Variants in NDUFA5 observed in about 807,000 individuals in gnomAD.
The protein encoded by NDUFA5 is NADH:ubiquinone oxidoreductase subunit A5, also known as NADH dehydrogenase [ubiquinone] 1 alpha subcomplex subunit 5.
NDUFA5 carries 11 observed loss-of-function variants against 19.8 expected under a neutral mutation model. That is an observed-to-expected ratio of 0.56 (90% CI 0.35 to 0.92). NDUFA5 has a LOEUF of 0.92. NDUFA5 is among the 40% of genes least tolerant of loss of function. The probability of loss-of-function intolerance (pLI) is 0.01; values close to 1 mark genes in which losing one functional copy is unlikely to be tolerated. For synonymous variants in NDUFA5, 47 were observed against 46.8 expected (o/e 1.00, Z -0.01); for missense variants, 109 against 134.2 (o/e 0.81, Z 0.93).
the NDUFA5 span, among the ~76,000 whole-genome samples, chr7:123,569,097 C>T: frequency 2.6e-5 from 4 of 152,086 alleles, no homozygotes; most frequent in Non-Finnish European, 4.4e-5. Flanking sequence ...GAAGTTTAGT[C>T]TGTATCAGAA....
chr7:123,565,787 C>T, the NDUFA5 span, among the ~76,000 whole-genome samples: 3 of 152,126 alleles, frequency 2.0e-5, no homozygotes, highest in South Asian at 2.1e-4. Context: ...GAGGCCAAGG[C>T]GGGTGGATTT....
intron 2 of NDUFA5, chr7:123,551,545 A>ATTT: frequency 1.2e-6 from 1 of 855,680 alleles, no homozygotes; most frequent in Non-Finnish European, 1.4e-6. Context: ...AGCACTGCAA[A>ATTT]TTTTTTTTTT....
the NDUFA5 span, among the ~76,000 whole-genome samples, chr7:123,594,559 A>C: frequency 2.3e-3 from 345 of 152,042 alleles, 1 homozygote; most frequent in South Asian, 8.8e-3. Flanking sequence ...AGTCTGTTGG[A>C]GTTTGCTGGA....
chr7:123,557,055 T>C (rs1265979020), intron 2 of NDUFA5: 2 of 523,222 alleles, frequency 3.8e-6, no homozygotes, highest in East Asian at 5.0e-5. Flanking sequence ...CCTAAATATA[T>C]GTAATCCAAC....
In NDUFA5 at chr7:123,539,065, A is replaced by G. The variant is rs1797841768; in HGVS notation, c.*3054T>C. 1 of 152,210 alleles carries G rather than the reference A, an allele frequency of 6.6e-6. No individual in the cohort carries two copies. Among genetic ancestry groups the G allele is most frequent in the Admixed American group, 6.5e-5 (1 of 15,286 alleles). 9.4% of individuals were successfully genotyped at this position (152,210 alleles called of 1,614,324 possible). The stretch of plus-strand genomic sequence containing the variant: ...GGGGAGAATGAGGGAGAGTGAAAGG[A>G]TACAATAAAACTTGAGGCCTGATTG... On this transcript the variant is annotated 3_prime_UTR_variant, in exon 5 of 5. Transcript: ENST00000355749.
At chr7:123,565,121 G>A in the NDUFA5 span, among the ~76,000 whole-genome samples, 1 of 152,238 alleles carries the variant, frequency 6.6e-6, no homozygotes, top group Non-Finnish European at 1.5e-5. Context: ...AGAGCCAATG[G>A]TATCAATCCT....
chr7:123,589,144 G>C, the NDUFA5 span, among the ~76,000 whole-genome samples: 2 of 151,624 alleles, frequency 1.3e-5, no homozygotes, highest in Non-Finnish European at 2.9e-5. Context: ...GTAGAGTATT[G>C]AAGTCCCCTA....
At chr7:123,579,278 A>G in the NDUFA5 span, among the ~76,000 whole-genome samples, 1 of 151,950 alleles carries the variant, frequency 6.6e-6, no homozygotes, top group Admixed American at 6.6e-5. Context: ...GATATACTAC[A>G]TTTTCTTTAT....
chr7:123,546,306 A>G (rs1395616924), intron 3 of NDUFA5, among the ~76,000 whole-genome samples: 1 of 152,190 alleles, frequency 6.6e-6, no homozygotes, highest in Non-Finnish European at 1.5e-5. Flanking sequence ...AGTACATACT[A>G]ATGATTTCAT....
At chr7:123,569,468 C>T in the NDUFA5 span, among the ~76,000 whole-genome samples, 3 of 152,070 alleles carry the variant, frequency 2.0e-5, no homozygotes, top group African/African-American at 7.2e-5. Flanking sequence ...GTGTGTGATC[C>T]TATGTGGCCT....
the NDUFA5 span, among the ~76,000 whole-genome samples, chr7:123,565,396 TACACAC>T: frequency 2.6e-3 from 383 of 148,146 alleles, 1 homozygote; most frequent in Non-Finnish European, 3.7e-3. Flanking sequence ...TAGCTTATAA[TACACAC>T]ACACACACAC....
the NDUFA5 span, among the ~76,000 whole-genome samples, chr7:123,596,887 G>T: frequency 6.6e-6 from 1 of 152,034 alleles, no homozygotes; most frequent in Non-Finnish European, 1.5e-5. Context: ...AATTTACTTT[G>T]GTTGCCAATA....
chr7:123,581,513 T>C, the NDUFA5 span, among the ~76,000 whole-genome samples: 1 of 151,972 alleles, frequency 6.6e-6, no homozygotes, highest in Non-Finnish European at 1.5e-5. Flanking sequence ...ATTTTTGTTA[T>C]TTCTACCTTC....
At chr7:123,595,041 G>C in the NDUFA5 span, among the ~76,000 whole-genome samples, 4 of 152,342 alleles carry the variant, frequency 2.6e-5, no homozygotes, top group African/African-American at 7.2e-5. Context: ...CCAAGCTCCA[G>C]CATCCCAGGT....
chr7:123,597,383 T>A, the NDUFA5 span, among the ~76,000 whole-genome samples: 1 of 152,228 alleles, frequency 6.6e-6, no homozygotes, highest in South Asian at 2.1e-4. Context: ...TTGTTATAAT[T>A]GTTCTTCATT....
the NDUFA5 span, among the ~76,000 whole-genome samples, chr7:123,599,253 G>C: frequency 3.2e-4 from 48 of 150,792 alleles, no homozygotes; most frequent in East Asian, 8.9e-3. Context: ...CAACAAAAAA[G>C]AATACCAAAA....
chr7:123,551,960 T>C (rs1562897122), intron 2 of NDUFA5, among the ~76,000 whole-genome samples: 1 of 152,106 alleles, frequency 6.6e-6, no homozygotes, highest in Non-Finnish European at 1.5e-5. Context: ...ACTATTAATA[T>C]AGAATAAAAG....
At chr7:123,566,316 C>A in the NDUFA5 span, among the ~76,000 whole-genome samples, 12 of 152,212 alleles carry the variant, frequency 7.9e-5, no homozygotes, top group Admixed American at 7.2e-4. Context: ...AAGGAACTAA[C>A]ACTGTCAATA....
the NDUFA5 span, among the ~76,000 whole-genome samples, chr7:123,581,731 T>G: frequency 6.6e-6 from 1 of 151,964 alleles, no homozygotes; most frequent in Non-Finnish European, 1.5e-5. Flanking sequence ...AAGTAGGCTG[T>G]AACATGAAAA....
Sources: allele counts gnomAD v4.1 joint callset (sites outside exome capture counted in the v4.1 genomes callset), GRCh38; gene constraint gnomAD v4.1.1; transcripts MANE v1.5; gene names NCBI Gene and HGNC (gene_info 2026-07-23, HGNC 2026-07-21).